Variants in HAND1 observed in about 807,000 individuals in gnomAD.
The protein encoded by HAND1 is heart and neural crest derivatives expressed 1.
A neutral mutation model predicts 14.5 loss-of-function variants in HAND1; 10 were observed. That is an observed-to-expected ratio of 0.69 (90% confidence interval 0.42 to 1.17). The LOEUF is 1.17. HAND1 is among the 50% of genes most tolerant of loss of function. The pLI, the probability that HAND1 is intolerant of heterozygous loss-of-function variation, is 0.00. For missense variants in HAND1, 299 were observed against 298.4 expected (o/e 1.00, Z -0.01); for synonymous variants, 128 against 127.1 (o/e 1.01, Z -0.05).
At chr5:154,477,390 T>A in intron 1 of HAND1, 76 bp downstream of exon 1, 1 of 1,175,966 alleles carries the variant, frequency 8.5e-7, no homozygotes, top group Middle Eastern at 1.9e-4. Flanking sequence ...CACAGCCTCC[T>A]TCGACTACCT....
intron 1 of HAND1, among the ~76,000 whole-genome samples, chr5:154,476,535 C>T (rs149968351): frequency 0.012 from 1,876 of 152,314 alleles, 12 homozygotes; most frequent in South Asian, 0.036. Context: ...CGGCCTGCAC[C>T]ATCCCCAGTC....
intron 1 of HAND1, 27 bp from the exon 2 acceptor site, chr5:154,475,937 A>C: frequency 6.4e-7 from 1 of 1,570,024 alleles, no homozygotes; most frequent in Non-Finnish European, 8.8e-7. Flanking sequence ...AGAAGAAAAG[A>C]GGCGGGAGAG....
Position 154,475,886 on chromosome 5 carries a change from C to T in HAND1, c.568G>A (p.Ala190Thr). The stretch of plus-strand genomic sequence containing the variant: ...ATCCTCTTCTCGACTGGGCCCAGGG[C>T]AGGAGGAAAACCTTCGTGCTGCTGC... Reference protein sequence around the residue: ...ELQQHEGFPPALGPVEKRIKG... With the variant: ...ELQQHEGFPPTLGPVEKRIKG... Residue 190 changes from alanine (A) to threonine (T), a missense_variant, in exon 2 of 2, where the codon GCC (alanine) becomes ACC (threonine). Physicochemically the swap from Ala to Thr is moderately conservative, Grantham distance 58. Transcript: ENST00000231121. The T allele has an allele frequency of 6.2e-7, 1 of 1,613,970 alleles. No homozygotes were observed. Among genetic ancestry groups the T allele is most frequent in the South Asian group, 1.1e-5 (1 of 91,078 alleles).
chr5:154,478,114 C>A lies in HAND1; in HGVS notation c.-106G>T, dbSNP rs1470634742. The A allele has an allele frequency of 8.3e-6, 11 of 1,328,050 alleles. No homozygotes were observed. The Admixed American group carries it at 2.0e-4, about 24-fold the overall frequency. 82.3% of individuals were successfully genotyped at this position (1,328,050 alleles called of 1,614,324 possible). The stretch of plus-strand genomic sequence containing the variant: ...GGGCTCTGGAGCCACTACTGGGCGC[C>A]GGCTTTGGGAGAGTCCGGGCAAGGC... On this transcript the variant is annotated 5_prime_UTR_variant, in exon 1 of 2. Transcript: ENST00000231121. This position sits in a 1 kb window ranked among gnomAD's most constrained non-coding sequence, Gnocchi z 4.5.
At chr5:154,477,404 T>C in intron 1 of HAND1, 62 bp downstream of exon 1, 1 of 1,303,572 alleles carries the variant, frequency 7.7e-7, no homozygotes, top group Non-Finnish European at 1.1e-6. Context: ...ACTACCTGCA[T>C]GGCCTGAGGC....
chr5:154,475,882 A>G lies in HAND1; in HGVS notation c.572T>C (p.Leu191Pro), dbSNP rs1757533321. 2 of 1,614,056 alleles carry G rather than the reference A, an allele frequency of 1.2e-6. No individual in the cohort carries two copies. Among genetic ancestry groups the G allele is most frequent in the Non-Finnish European group, 1.7e-6 (2 of 1,179,894 alleles). ...TTTAATCCTCTTCTCGACTGGGCCC[A>G]GGGCAGGAGGAAAACCTTCGTGCTG... is the stretch of plus-strand genomic sequence containing the variant. ...LQQHEGFPPALGPVEKRIKGR... is the reference protein window; with the variant it reads ...LQQHEGFPPAPGPVEKRIKGR... Residue 191 changes from leucine (L) to proline (P), a missense_variant, in exon 2 of 2, where the codon CTG (leucine) becomes CCG (proline). Transcript: ENST00000231121.
At position 154,475,850 on chromosome 5, in the gene HAND1, T is replaced by C. The variant is rs2113300864; in HGVS notation, c.604A>G (p.Thr202Ala). Residue 202 changes from threonine to alanine, a missense_variant, in exon 2 of 2, where the codon ACC becomes GCC. Coordinates refer to ENST00000231121, the MANE Select transcript of HAND1 (RefSeq NM_004821.3). ...GCCCAGACTTGCTGCGGCCAGCCGG[T>C]GCGTCCTTTAATCCTCTTCTCGACT... Reference protein sequence around the residue: ...GPVEKRIKGRTGWPQQVWALE... With the variant: ...GPVEKRIKGRAGWPQQVWALE... 2 of 1,614,068 alleles carry C rather than the reference T, an allele frequency of 1.2e-6. No individual in the cohort carries two copies. Among genetic ancestry groups the C allele is most frequent in the Non-Finnish European group, 1.7e-6 (2 of 1,179,988 alleles).
In HAND1 at chr5:154,477,962, G is replaced by GGGTGGTGAT. The variant is rs754696027; in HGVS notation, c.38_46dup (p.His13_His15dup). On this transcript the variant is annotated inframe_insertion, in exon 1 of 2. Transcript: ENST00000231121. The stretch of plus-strand genomic sequence containing the variant: ...GTGGAGCATGGGGTGCGCAGGGTGC[G>GGGTGGTGAT]GGTGGTGATGGTGGTGATGGTGTGC... 7.5e-6 allele frequency: 12 copies of GGGTGGTGAT among 1,598,198 alleles called. No individual in the cohort carries two copies. Among genetic ancestry groups the GGGTGGTGAT allele is most frequent in the Non-Finnish European group, 1.0e-5 (12 of 1,179,870 alleles).
Position 154,477,630 on chromosome 5 carries a change from C to T in HAND1, c.379G>A (p.Asp127Asn), listed in dbSNP as rs1440191810. The change falls in exon 1 of 2, where the codon GAC (aspartate) becomes AAC (asparagine). Residue 127 changes from aspartate to asparagine, a missense_variant. By Grantham distance (23) the Asp-to-Asn change is conservative. Transcript: ENST00000231121. ...LRECIPNVPA[D>N]TKLSKIKTLR... The stretch of plus-strand genomic sequence containing the variant: ...GTCTTGATCTTGGAGAGCTTGGTGT[C>T]GGCCGGCACGTTGGGGATGCACTCG... 6.2e-7 allele frequency: 1 copy of T among 1,614,236 alleles called. No individual in the cohort carries two copies. The highest frequency in any genetic ancestry group is 8.5e-7 in the Non-Finnish European group (1 of 1,180,036).
In HAND1 at chr5:154,477,465, C is replaced by A; in HGVS notation, c.543+1G>T. The stretch of plus-strand genomic sequence containing the variant: ...TGGAGCATGCAAGCCCCAGGACTCA[C>A]CAGCTCCCTTTTCCGCTTGCTCTCA... On this transcript the variant is annotated splice_donor_variant, in intron 1 of 1. Transcript: ENST00000231121. LOFTEE classifies it high-confidence loss of function. 2 of 1,613,482 alleles carry A rather than the reference C, an allele frequency of 1.2e-6. No homozygotes were observed. The highest frequency in any genetic ancestry group is 1.1e-5 in the South Asian group (1 of 91,062).
chr5:154,477,763 G>A lies in HAND1; in HGVS notation c.246C>T (p.Pro82=), dbSNP rs1198480966. Residue 82 remains proline, a synonymous_variant, in exon 1 of 2, where the codon CCC becomes CCT. Transcript: ENST00000231121. ...YGPDARPGQS[P]GRLEALGGRL... ...GGCCGCCAAGCGCCTCCAGCCGCCC[G>A]GGGCTCTGCCCAGGCCTGGCGTCAG... 2 of 1,608,494 alleles carry A rather than the reference G, an allele frequency of 1.2e-6. No individual in the cohort carries two copies. Among genetic ancestry groups the A allele is most frequent in the Admixed American group, 1.7e-5 (1 of 59,574 alleles).
chr5:154,475,461 G>A lies in HAND1; in HGVS notation c.*345C>T. On this transcript the variant is annotated 3_prime_UTR_variant, in exon 2 of 2. Coordinates refer to ENST00000231121, the MANE Select transcript of HAND1 (RefSeq NM_004821.3). ...ATAGGGAAATGGAGATAGGGCTGAG[G>A]TTCTAAATTCGCTCCAAAAGGGTGG... 1.4e-5 allele frequency: 5 copies of A among 345,262 alleles called. No homozygotes were observed. Among genetic ancestry groups the A allele is most frequent in the Non-Finnish European group, 2.2e-5 (4 of 182,294 alleles). The allele number at this position is 345,262 out of a possible 1,614,324, so 21.4% of individuals were successfully genotyped here. A position where few individuals can be genotyped will look rare whatever the true frequency, so the allele number is the denominator to read the frequency against.
At chr5:154,476,250 CG>C (rs1182616890) in intron 1 of HAND1, among the ~76,000 whole-genome samples, 2 of 152,090 alleles carry the variant, frequency 1.3e-5, no homozygotes, top group African/African-American at 4.8e-5. Flanking sequence ...TGGAAATCCA[CG>C]GTTCTCCCGC....
At position 154,475,599 on chromosome 5, in the gene HAND1, T is replaced by G. The variant is rs922934243; in HGVS notation, c.*207A>C. On this transcript the variant is annotated 3_prime_UTR_variant, in exon 2 of 2. Coordinates refer to ENST00000231121, the MANE Select transcript of HAND1 (RefSeq NM_004821.3). ...GATATATATATATTTCTCTTTCTCT[T>G]AATGTATTAAAAAAAATCAAAGGAC... The G allele has an allele frequency of 1.7e-6, 1 of 596,330 alleles. No individual in the cohort carries two copies. Among genetic ancestry groups the G allele is most frequent in the African/African-American group, 1.9e-5 (1 of 53,606 alleles). The allele number at this position is 596,330 out of a possible 1,614,324, so 36.9% of individuals were successfully genotyped here.
chr5:154,475,644 T>G lies in HAND1; in HGVS notation c.*162A>C. On this transcript the variant is annotated 3_prime_UTR_variant, in exon 2 of 2. Coordinates refer to ENST00000231121, the MANE Select transcript of HAND1 (RefSeq NM_004821.3). Reference sequence around the variant, plus strand: ...AAGGACATTGCACGTGCGATCCAAGTGTGTGGTTGCAGCCGACGACCTGCC... The same window carrying G: ...AAGGACATTGCACGTGCGATCCAAGGGTGTGGTTGCAGCCGACGACCTGCC... 1.5e-6 allele frequency: 1 copy of G among 653,406 alleles called. No homozygotes were observed. The highest frequency in any genetic ancestry group is 2.8e-6 in the Non-Finnish European group (1 of 358,746). The allele number at this position is 653,406 out of a possible 1,614,324, so 40.5% of individuals were successfully genotyped here.
In HAND1 at chr5:154,477,786, C is replaced by T; in HGVS notation, c.223G>A (p.Asp75Asn). 6.3e-7 allele frequency: 1 copy of T among 1,597,412 alleles called. No homozygotes were observed. Among genetic ancestry groups the T allele is most frequent in the Middle Eastern group, 1.7e-4 (1 of 5,806 alleles). ...AAAAATAYGPDARPGQSPGRL... is the reference protein window; with the variant it reads ...AAAAATAYGPNARPGQSPGRL... ...CCGGGGCTCTGCCCAGGCCTGGCGT[C>T]AGGACCATAGGCGGTGGCGGCTGCA... The change falls in exon 1 of 2, where the codon GAC (aspartate) becomes AAC (asparagine). Residue 75 changes from aspartate (D) to asparagine (N), a missense_variant. Coordinates refer to ENST00000231121, the MANE Select transcript of HAND1 (RefSeq NM_004821.3).
chr5:154,475,463 T>C lies in HAND1; in HGVS notation c.*343A>G. ...AGGGAAATGGAGATAGGGCTGAGGT[T>C]CTAAATTCGCTCCAAAAGGGTGGAA... On this transcript the variant is annotated 3_prime_UTR_variant, in exon 2 of 2. Transcript: ENST00000231121. 2.9e-6 allele frequency: 1 copy of C among 344,946 alleles called. No individual in the cohort carries two copies. 21.4% of individuals were successfully genotyped at this position (344,946 alleles called of 1,614,324 possible).
chr5:154,475,984 G>A, intron 1 of HAND1, 74 bp from the exon 2 acceptor site: 1 of 1,112,732 alleles, frequency 9.0e-7, no homozygotes, highest in Non-Finnish European at 1.4e-6. Flanking sequence ...CGCCCGGCAT[G>A]GGGTAAGATG....
At chr5:154,475,975 G>C (rs1170442400) in intron 1 of HAND1, 65 bp from the exon 2 acceptor site, 2 of 1,225,810 alleles carry the variant, frequency 1.6e-6, no homozygotes, top group African/African-American at 1.5e-5. Context: ...TGCTCCGATC[G>C]CCCGGCATGG....
Sources: allele counts gnomAD v4.1 joint callset (sites outside exome capture counted in the v4.1 genomes callset), GRCh38; gene constraint gnomAD v4.1.1; non-coding constraint Gnocchi (gnomAD v3.1); transcripts MANE v1.5; gene names NCBI Gene and HGNC (gene_info 2026-07-23, HGNC 2026-07-21).